PRAG1: variants seen among roughly 807,000 people sequenced by gnomAD.
PRAG1 encodes the protein inactive tyrosine-protein kinase PRAG1.
In PRAG1, 110 loss-of-function variants were observed where a neutral mutation model predicts 95.6. The observed-to-expected ratio is 1.15, with a 90% confidence interval of 0.99 to 1.35. The LOEUF is 1.35. Ranked by LOEUF, PRAG1 falls within the 40% of genes most tolerant of loss-of-function variation. The pLI is 0.00. For synonymous variants in PRAG1, 1,052 were observed against 819.4 expected (o/e 1.28, Z -4.85); for missense variants, 2,554 against 1,864.7 (o/e 1.37, Z -6.81).
rs543641618 is a variant in PRAG1 at position 8,372,184 on chromosome 8, A to G, written c.2162+4063T>C. 2.6e-5 allele frequency among the ~76,000 whole-genome samples: 4 copies of G among 152,304 alleles called. No individual in the cohort carries two copies. In the East Asian group the frequency reaches 7.7e-4, roughly 29 times the overall value. On this transcript the variant is annotated intron_variant, in intron 3 of 5. Coordinates refer to ENST00000615670, the MANE Select transcript of PRAG1 (RefSeq NM_001080826.3). ...GCAGAAAGCAATTTGGTTCTTTCTC[A>G]TCTTAATTGTTTCCCCAGCTCTGCT...
intron 3 of PRAG1, among the ~76,000 whole-genome samples, chr8:8,371,131 C>CAAAAA (rs549978543): frequency 1.2e-5 from 1 of 81,596 alleles, no homozygotes; most frequent in Admixed American, 1.3e-4. Context: ...GATTCTGTCT[C>CAAAAA]AAAAAAAAAA....
In PRAG1 at chr8:8,381,589, G is replaced by T. The variant is rs375869247; in HGVS notation, c.159C>A (p.Ser53Arg). ...VAGPPQPRAGSLPPPPRLPPR... is the reference protein window; with the variant it reads ...VAGPPQPRAGRLPPPPRLPPR... Reference sequence around the variant, plus strand: ...GAGGCAGGCGCGGTGGAGGGGGCAGGCTGCCCGCTCTGGGCTGGGGAGGGC... The same window carrying T: ...GAGGCAGGCGCGGTGGAGGGGGCAGTCTGCCCGCTCTGGGCTGGGGAGGGC... The change falls in exon 2 of 6, where the codon AGC becomes AGA. Residue 53 changes from serine (S) to arginine (R), a missense_variant. Ser to Arg is a moderately radical substitution (Grantham distance 110). Transcript: ENST00000615670. The T allele has an allele frequency of 2.5e-6, 4 of 1,614,022 alleles. No homozygotes were observed. The highest frequency in any genetic ancestry group is 1.6e-4 in the Middle Eastern group (1 of 6,084).
chr8:8,380,593 C>T (rs1225248034), intron 2 of PRAG1, among the ~76,000 whole-genome samples: 3 of 152,020 alleles, frequency 2.0e-5, no homozygotes, highest in Non-Finnish European at 4.4e-5. Context: ...CGGTGCCTCA[C>T]GCCTATAATC....
Position 8,318,373 on chromosome 8 carries a change from G to A in PRAG1, c.4002C>T (p.Arg1334=). ...AGGTGCCCGGCTGCTGCACCAGCTC[G>A]CGCCGAGGCCCCCACAGCAGGCACT... is the stretch of plus-strand genomic sequence containing the variant. ...VLQCLLWGPR[R]ELVQQPGTSE... The change falls in exon 6 of 6, where the codon CGC becomes CGT. Residue 1334 remains arginine, a synonymous_variant. Coordinates refer to ENST00000615670, the MANE Select transcript of PRAG1 (RefSeq NM_001080826.3). This position sits in a 1 kb window ranked among gnomAD's most constrained non-coding sequence, Gnocchi z 4.2. 6.2e-7 allele frequency: 1 copy of A among 1,613,270 alleles called. No individual in the cohort carries two copies. The highest frequency in any genetic ancestry group is 8.5e-7 in the Non-Finnish European group (1 of 1,179,660).
chr8:8,364,130 C>A (rs1460106269), intron 3 of PRAG1, among the ~76,000 whole-genome samples: 1 of 152,172 alleles, frequency 6.6e-6, no homozygotes, highest in Admixed American at 6.5e-5. Flanking sequence ...GATGTAGTCT[C>A]ATACTTAATT....
intron 3 of PRAG1, among the ~76,000 whole-genome samples, chr8:8,353,850 AAGT>A (rs922594296): frequency 1.1e-4 from 16 of 151,864 alleles, no homozygotes; most frequent in Admixed American, 2.0e-4. Context: ...GAAGATAAAG[AAGT>A]AGTAGTAGTA....
chr8:8,334,735 T>C (rs903337219), intron 4 of PRAG1, among the ~76,000 whole-genome samples: 1 of 150,904 alleles, frequency 6.6e-6, no homozygotes, highest in Admixed American at 6.6e-5. Context: ...TCTCCTGTTA[T>C]AACATAATCA....
chr8:8,340,197 T>C (rs1197645637), intron 3 of PRAG1, among the ~76,000 whole-genome samples: 1 of 152,240 alleles, frequency 6.6e-6, no homozygotes, highest in East Asian at 1.9e-4. Context: ...CATGCTTAGA[T>C]AGAAACAAAT....
chr8:8,366,625 A>C (rs1208909052), intron 3 of PRAG1, among the ~76,000 whole-genome samples: 1 of 151,840 alleles, frequency 6.6e-6, no homozygotes, highest in Non-Finnish European at 1.5e-5. Context: ...GGAACTCTTA[A>C]ACTCTTGAAT....
chr8:8,340,641 C>T (rs577414219), intron 3 of PRAG1, among the ~76,000 whole-genome samples: 7 of 152,378 alleles, frequency 4.6e-5, no homozygotes, highest in Admixed American at 2.0e-4. Context: ...CATGACCTTA[C>T]GGTCAAGAAT....
chr8:8,375,242 C>T (rs1408286537), intron 3 of PRAG1, among the ~76,000 whole-genome samples: 5 of 150,828 alleles, frequency 3.3e-5, no homozygotes, highest in Admixed American at 6.6e-5. Flanking sequence ...CTCACTCTGT[C>T]GCCCAGGCTG....
chr8:8,323,048 CAA>C lies in PRAG1; in HGVS notation c.3073-3748_3073-3747del, dbSNP rs1195045298. Among the ~76,000 whole-genome samples the C allele has an allele frequency of 4.6e-5, 7 of 152,116 alleles. No individual in the cohort carries two copies. The East Asian group carries it at 1.3e-3, about 29-fold the overall frequency. ...TTTTCATTAACAAACAAAAAGCACACAAATGTGAAAAACAAGACACTAAATAG... is the reference window on the plus strand; with the variant it reads ...TTTTCATTAACAAACAAAAAGCACACATGTGAAAAACAAGACACTAAATAG... On this transcript the variant is annotated intron_variant, in intron 5 of 5. Coordinates refer to ENST00000615670, the MANE Select transcript of PRAG1 (RefSeq NM_001080826.3).
intron 3 of PRAG1, among the ~76,000 whole-genome samples, chr8:8,371,068 G>A (rs1034931225): frequency 1.3e-5 from 2 of 150,076 alleles, no homozygotes; most frequent in Non-Finnish European, 3.0e-5. Context: ...CCCGGGAGGC[G>A]GAGGTTGCAG....
chr8:8,382,965 A>C (rs545842877), intron 1 of PRAG1, among the ~76,000 whole-genome samples: 1 of 152,214 alleles, frequency 6.6e-6, no homozygotes, highest in African/African-American at 2.4e-5. Flanking sequence ...TATTTAAAAT[A>C]AACTGACTTC....
intron 3 of PRAG1, among the ~76,000 whole-genome samples, chr8:8,364,155 T>C (rs1342819734): frequency 1.3e-5 from 2 of 152,230 alleles, no homozygotes; most frequent in Non-Finnish European, 2.9e-5. Flanking sequence ...AGCTGTTTAA[T>C]AGCCATTTTC....
chr8:8,369,697 AC>A (rs1215694072), intron 3 of PRAG1, among the ~76,000 whole-genome samples: 1 of 126,388 alleles, frequency 7.9e-6, no homozygotes, highest in African/African-American at 3.3e-5. Context: ...TAAAAAATAA[AC>A]TTTTTTTTTT....
chr8:8,386,362 C>A lies in PRAG1; in HGVS notation c.-129G>T, dbSNP rs1006765724. The stretch of plus-strand genomic sequence containing the variant: ...CCCGGCCCCTCCGTCGGTCTCCGAG[C>A]CGCCAGCCGCCCGGCCGGAGCATTG... On this transcript the variant is annotated 5_prime_UTR_variant, in exon 1 of 6. Transcript: ENST00000615670. The A allele has an allele frequency of 2.6e-5, 4 of 152,450 alleles. 1 individual carries two copies. The Middle Eastern group carries it at 0.014, about 522-fold the overall frequency. 9.4% of individuals were successfully genotyped at this position (152,450 alleles called of 1,614,324 possible). A position where few individuals can be genotyped will look rare whatever the true frequency, so the allele number is the denominator to read the frequency against.
At position 8,335,218 on chromosome 8, in the gene PRAG1, A is replaced by G. The variant is rs538736246; in HGVS notation, c.2320+4260T>C. ...TTTATCTTACAGATTTGCTCACCAAATCATGCCAATGTATGGCACAGAGTC... is the reference window on the plus strand; with the variant it reads ...TTTATCTTACAGATTTGCTCACCAAGTCATGCCAATGTATGGCACAGAGTC... On this transcript the variant is annotated intron_variant, in intron 4 of 5. Coordinates refer to ENST00000615670, the MANE Select transcript of PRAG1 (RefSeq NM_001080826.3). 4.8e-3 allele frequency among the ~76,000 whole-genome samples: 731 copies of G among 152,344 alleles called. 7 individuals carry two copies. Among genetic ancestry groups the G allele is most frequent in the African/African-American group, 0.017 (707 of 41,570 alleles).
chr8:8,366,910 G>A (rs754584091), intron 3 of PRAG1, among the ~76,000 whole-genome samples: 1 of 152,008 alleles, frequency 6.6e-6, no homozygotes, highest in Non-Finnish European at 1.5e-5. Flanking sequence ...ACTCCTGGGT[G>A]CAAGTGATTC....
Sources: gnomAD v4.1 joint callset for allele counts (sites outside exome capture counted in the v4.1 genomes callset) on GRCh38, gnomAD v4.1.1 for gene constraint, Gnocchi (gnomAD v3.1) non-coding constraint, MANE v1.5 for transcripts, NCBI Gene and HGNC (gene_info 2026-07-23, HGNC 2026-07-21) for gene names.